The following EBF3 variants were observed in gnomAD, a reference collection of about 807,000 sequenced individuals.
EBF3 encodes transcription factor COE3.
EBF3 carries 18 observed loss-of-function variants against 77.1 expected under a neutral mutation model. The ratio of observed to expected loss-of-function variants is 0.23; its 90% CI spans 0.16 to 0.35. The LOEUF is 0.35. Ranked by LOEUF, EBF3 falls within the 10% of genes least tolerant of loss-of-function variation. The pLI, the probability that EBF3 is intolerant of heterozygous loss-of-function variation, is 1.00. For missense variants in EBF3, 558 were observed against 860.0 expected (o/e 0.65, Z 4.39); for synonymous variants, 350 against 343.5 (o/e 1.02, Z -0.21).
chr10:129,948,790 G>T (rs1858439501), intron 6 of EBF3, among the ~76,000 whole-genome samples: 1 of 152,208 alleles, frequency 6.6e-6, no homozygotes, highest in African/African-American at 2.4e-5. Flanking sequence ...GGTTAGGGGT[G>T]CCTGTTGCTG....
In EBF3 at chr10:129,836,836, T is replaced by C. The variant is rs1221808204; in HGVS notation, c.*1107A>G. ...TCAAAGATAAATACAATATTTATAA[T>C]TGATATGTTACAAAATAAAGTCCCT... On this transcript the variant is annotated 3_prime_UTR_variant, in exon 17 of 17. Coordinates refer to ENST00000440978, the MANE Select transcript of EBF3 (RefSeq NM_001375380.1). The C allele has an allele frequency of 2.0e-5, 3 of 152,638 alleles. No homozygotes were observed. Among genetic ancestry groups the C allele is most frequent in the African/African-American group, 7.2e-5 (3 of 41,448 alleles). 9.5% of individuals were successfully genotyped at this position (152,638 alleles called of 1,614,324 possible).
rs971568733 is a variant in EBF3 at position 129,872,205 on chromosome 10, C to A, written c.781+1247G>T. On this transcript the variant is annotated intron_variant, in intron 8 of 16. Coordinates refer to ENST00000440978, the MANE Select transcript of EBF3 (RefSeq NM_001375380.1). ...CTCTAGGGAAGCGAGGAACTGAGGA[C>A]CGGGGATTCAACCTTCTTAATTGTG... is the stretch of plus-strand genomic sequence containing the variant. 2.6e-5 allele frequency among the ~76,000 whole-genome samples: 4 copies of A among 152,120 alleles called. No individual in the cohort carries two copies. The East Asian group carries it at 7.7e-4, about 29-fold the overall frequency.
chr10:129,852,684 G>C (rs1372908273), intron 10 of EBF3, among the ~76,000 whole-genome samples: 1 of 152,290 alleles, frequency 6.6e-6, no homozygotes, highest in East Asian at 1.9e-4. Flanking sequence ...AAGGGGACAC[G>C]TTCAGTACTT....
rs201483148 is a variant in EBF3 at position 129,843,123 on chromosome 10, C to T, written c.1194+14G>A. 39 of 1,611,124 alleles carry T rather than the reference C, an allele frequency of 2.4e-5. 1 individual carries two copies. The South Asian group carries it at 2.6e-4, about 11-fold the overall frequency. On this transcript the variant is annotated intron_variant, in intron 12 of 16. Transcript: ENST00000440978. ...GGGGGGGAGGATGGGCGAGGGGAGC[C>T]GCCCTCCACCTACCTGGTTGTTGTG...
chr10:129,891,063 A>T (rs1428775572), intron 6 of EBF3, among the ~76,000 whole-genome samples: 4 of 152,204 alleles, frequency 2.6e-5, no homozygotes, highest in Non-Finnish European at 1.5e-5. Flanking sequence ...GGAAATTATG[A>T]TTCATGTCAT....
chr10:129,920,501 T>C (rs2134352653), intron 6 of EBF3, among the ~76,000 whole-genome samples: 1 of 152,314 alleles, frequency 6.6e-6, no homozygotes, highest in South Asian at 2.1e-4. Flanking sequence ...GGTTAATGGG[T>C]GGAGCATTAA....
In EBF3 at chr10:129,935,764, G is replaced by T. The variant is rs1589901178; in HGVS notation, c.554+21494C>A. On this transcript the variant is annotated intron_variant, in intron 6 of 16. Coordinates refer to ENST00000440978, the MANE Select transcript of EBF3 (RefSeq NM_001375380.1). The surrounding 1 kb of genome is among the most constrained non-coding windows in gnomAD (Gnocchi z 4.2). ...CAGAAACAAAGACTAAGCCCATCTG[G>T]AGCAGAGCTTGGCCCTGCCACACCG... Among the ~76,000 whole-genome samples, 1 of 152,226 alleles carries T rather than the reference G, an allele frequency of 6.6e-6. No homozygotes were observed. Among genetic ancestry groups the T allele is most frequent in the South Asian group, 2.1e-4 (1 of 4,828 alleles).
chr10:129,873,693 A>G (rs1852564613), intron 7 of EBF3, 97 bp from the exon 8 acceptor site: 10 of 1,287,132 alleles, frequency 7.8e-6, no homozygotes, highest in African/African-American at 3.0e-5. Context: ...TGCAGAGCAC[A>G]AGGAAATTTC....
chr10:129,960,199 G>A (rs1018840820), intron 4 of EBF3, among the ~76,000 whole-genome samples: 1 of 152,202 alleles, frequency 6.6e-6, no homozygotes, highest in East Asian at 1.9e-4. Context: ...ACGGAAGGGG[G>A]AGGGATGTCC....
In EBF3 at chr10:129,949,339, G is replaced by T. The variant is rs570626951; in HGVS notation, c.554+7919C>A. The stretch of plus-strand genomic sequence containing the variant: ...CAGAAAAGAAAAGAAAAGAGAAAAA[G>T]AAAACTTAGGGGGCACTCAGGGAGG... On this transcript the variant is annotated intron_variant, in intron 6 of 16. Transcript: ENST00000440978. Among the ~76,000 whole-genome samples the T allele has an allele frequency of 1.2e-4, 19 of 152,266 alleles. No homozygotes were observed. The South Asian group carries it at 3.9e-3, about 32-fold the overall frequency.
intron 6 of EBF3, among the ~76,000 whole-genome samples, chr10:129,925,450 G>T (rs1379095228): frequency 6.6e-6 from 1 of 151,970 alleles, no homozygotes; most frequent in Non-Finnish European, 1.5e-5. Flanking sequence ...AAATTAGCAA[G>T]GCGTGGTGGT....
rs188762999 is a variant in EBF3, at chr10:129,840,487, C to T, written c.1562-45G>A. 5,005 of 1,532,326 alleles carry T rather than the reference C, an allele frequency of 3.3e-3. 313 individuals are homozygous for T. The Admixed American group carries it at 0.092, about 28-fold the overall frequency. The allele number at this position is 1,532,326 out of a possible 1,614,324, so 94.9% of individuals were successfully genotyped here. A position where few individuals can be genotyped will look rare whatever the true frequency, so the allele number is the denominator to read the frequency against. Reference sequence around the variant, plus strand: ...GTCAGCACGCGCGGCCGCGGCACAGCGCCACGGCGAGAGGGCACCAAAGGC... The same window carrying T: ...GTCAGCACGCGCGGCCGCGGCACAGTGCCACGGCGAGAGGGCACCAAAGGC... On this transcript the variant is annotated intron_variant, in intron 14 of 16. Coordinates refer to ENST00000440978, the MANE Select transcript of EBF3 (RefSeq NM_001375380.1).
intron 6 of EBF3, among the ~76,000 whole-genome samples, chr10:129,940,389 A>G (rs2134481373): frequency 6.6e-6 from 1 of 152,300 alleles, no homozygotes; most frequent in African/African-American, 2.4e-5. Context: ...CTCCTGGGCT[A>G]GTCCAGGATG....
At chr10:129,915,558 G>C (rs771013983) in intron 6 of EBF3, among the ~76,000 whole-genome samples, 69 of 152,106 alleles carry the variant, frequency 4.5e-4, no homozygotes, top group Non-Finnish European at 8.8e-4. Flanking sequence ...ATTCTTGCGG[G>C]GTGTGACGTC....
rs1851846770 is a variant in EBF3, at chr10:129,864,323, A to G, written c.1039+2818T>C. On this transcript the variant is annotated intron_variant, in intron 10 of 16. Transcript: ENST00000440978. The surrounding 1 kb of genome is among the most constrained non-coding windows in gnomAD (Gnocchi z 4.4). Reference sequence around the variant, plus strand: ...ATCACAGGCTCCGCCACACCATGTGATACCTGCCAGCCAGTGACAGGCAGC... The same window carrying G: ...ATCACAGGCTCCGCCACACCATGTGGTACCTGCCAGCCAGTGACAGGCAGC... Among the ~76,000 whole-genome samples the G allele has an allele frequency of 6.6e-6, 1 of 152,142 alleles. No homozygotes were observed. The highest frequency in any genetic ancestry group is 2.1e-4 in the South Asian group (1 of 4,826).
At chr10:129,844,913 A>G (rs936776544) in intron 11 of EBF3, among the ~76,000 whole-genome samples, 1 of 152,208 alleles carries the variant, frequency 6.6e-6, no homozygotes, top group Non-Finnish European at 1.5e-5. Flanking sequence ...CTCTCCTATC[A>G]TATCGCAAGA....
intron 11 of EBF3, among the ~76,000 whole-genome samples, chr10:129,844,294 C>A (rs1229556864): frequency 6.6e-6 from 1 of 151,880 alleles, no homozygotes; most frequent in Non-Finnish European, 1.5e-5. Context: ...AACCTGAGAC[C>A]CCAAAGGTGA....
At chr10:129,912,398 T>C (rs1855588292) in intron 6 of EBF3, among the ~76,000 whole-genome samples, 1 of 152,140 alleles carries the variant, frequency 6.6e-6, no homozygotes, top group Non-Finnish European at 1.5e-5. Flanking sequence ...TGCCTCCTGA[T>C]TGGCTCCTGC....
At chr10:129,849,728 A>G (rs1850727541) in intron 10 of EBF3, among the ~76,000 whole-genome samples, 1 of 152,214 alleles carries the variant, frequency 6.6e-6, no homozygotes, top group African/African-American at 2.4e-5. Flanking sequence ...CCGCACAGGA[A>G]TGTGAAGTAA....
Sources: gnomAD v4.1 joint callset for allele counts (sites outside exome capture counted in the v4.1 genomes callset) on GRCh38, gnomAD v4.1.1 for gene constraint, Gnocchi (gnomAD v3.1) non-coding constraint, MANE v1.5 for transcripts, NCBI Gene and HGNC (gene_info 2026-07-23, HGNC 2026-07-21) for gene names.